Variants in ANKMY2 observed in about 807,000 individuals in gnomAD.
ANKMY2 encodes the protein ankyrin repeat and MYND domain containing 2, also known as ankyrin repeat and MYND domain-containing protein 2.
A neutral mutation model predicts 50.4 loss-of-function variants in ANKMY2; 36 were observed. The ratio of observed to expected loss-of-function variants is 0.71; its 90% confidence interval spans 0.55 to 0.94. The LOEUF is 0.94. ANKMY2 is among the 40% of genes least tolerant of loss of function. The pLI is 0.00. For missense variants in ANKMY2, 565 were observed against 524.0 expected (o/e 1.08, Z -0.76); for synonymous variants, 187 against 178.8 (o/e 1.05, Z -0.36).
chr7:16,629,089 C>T (rs1367077289), intron 2 of ANKMY2, among the ~76,000 whole-genome samples: 1 of 152,138 alleles, frequency 6.6e-6, no homozygotes, highest in African/African-American at 2.4e-5. Flanking sequence ...CACTTCTGCC[C>T]ATTTACGTGT....
rs939414001 is a variant in ANKMY2 at position 16,609,833 on chromosome 7, C to G, written c.747-68G>C. On this transcript the variant is annotated intron_variant, in intron 6 of 9. Coordinates refer to ENST00000306999, the MANE Select transcript of ANKMY2 (RefSeq NM_020319.3). Reference sequence around the variant, plus strand: ...AGCATTCTCTCCTAGTTGAACCCAACAGTTTTTAGTAGTTTCTTCTGTTAC... The same window carrying G: ...AGCATTCTCTCCTAGTTGAACCCAAGAGTTTTTAGTAGTTTCTTCTGTTAC... 4 of 1,542,642 alleles carry G rather than the reference C, an allele frequency of 2.6e-6. No individual in the cohort carries two copies. In the African/African-American group the frequency reaches 5.6e-5, roughly 22 times the overall value.
In ANKMY2 at chr7:16,628,744, G is replaced by A. The variant is rs189177101; in HGVS notation, c.133-1566C>T. ...GGCCACCACAAAGAAGCAAACAGCT[G>A]TTTCTTTTGCAGATTTTAGGACCCC... On this transcript the variant is annotated intron_variant, in intron 2 of 9. Transcript: ENST00000306999. Among the ~76,000 whole-genome samples, 517 of 152,174 alleles carry A rather than the reference G, an allele frequency of 3.4e-3. 3 individuals are homozygous for A. The highest frequency in any genetic ancestry group is 5.4e-3 in the Non-Finnish European group (365 of 68,012).
At chr7:16,622,505 G>A (rs1403842078) in intron 4 of ANKMY2, among the ~76,000 whole-genome samples, 6 of 152,010 alleles carry the variant, frequency 3.9e-5, no homozygotes, top group South Asian at 2.1e-4. Flanking sequence ...TTGGGAGGCC[G>A]AGGCGGGCAG....
rs184009928 is a variant in ANKMY2, at chr7:16,610,445, T to C, written c.746+104A>G. Reference sequence around the variant, plus strand: ...CTAAATGTGAGTCCAACAACAGCAATTGCTGCCAAAATGTTTAATTTTGAA... The same window carrying C: ...CTAAATGTGAGTCCAACAACAGCAACTGCTGCCAAAATGTTTAATTTTGAA... On this transcript the variant is annotated intron_variant, in intron 6 of 9. Transcript: ENST00000306999. 3.4e-5 allele frequency: 31 copies of C among 906,254 alleles called. No individual in the cohort carries two copies. In the Middle Eastern group the frequency reaches 1.4e-3, roughly 41 times the overall value. 56.1% of individuals were successfully genotyped at this position (906,254 alleles called of 1,614,324 possible).
intron 1 of ANKMY2, among the ~76,000 whole-genome samples, chr7:16,636,905 T>A (rs1781669803): frequency 6.6e-6 from 1 of 152,246 alleles, no homozygotes; most frequent in Non-Finnish European, 1.5e-5. Context: ...GACATATTTA[T>A]AATAGAGTGC....
intron 6 of ANKMY2, 66 bp downstream of exon 6, chr7:16,610,483 G>C (rs976368398): frequency 3.8e-6 from 5 of 1,304,890 alleles, no homozygotes; most frequent in Non-Finnish European, 5.3e-6. Flanking sequence ...ACATAATAAT[G>C]AGGCTTCATA....
intron 4 of ANKMY2, among the ~76,000 whole-genome samples, chr7:16,622,591 T>A (rs886827804): frequency 1.3e-5 from 2 of 151,742 alleles, no homozygotes; most frequent in Admixed American, 6.6e-5. Context: ...ACAAAAAAAA[T>A]TAGCTAGGCG....
chr7:16,619,980 A>G (rs1412637102), intron 4 of ANKMY2, among the ~76,000 whole-genome samples: 1 of 152,264 alleles, frequency 6.6e-6, no homozygotes, highest in Non-Finnish European at 1.5e-5. Flanking sequence ...AGAAAACTGT[A>G]GAATAACTTC....
chr7:16,619,495 C>CT (rs923952445), intron 4 of ANKMY2, among the ~76,000 whole-genome samples: 6 of 151,954 alleles, frequency 3.9e-5, no homozygotes, highest in Non-Finnish European at 7.4e-5. Flanking sequence ...ATTACTTTAC[C>CT]TTTTTTTCCA....
Position 16,600,607 on chromosome 7 carries a change from T to G in ANKMY2, c.*154A>C. ...AAATCAATAGGAAATTAGGGCATGG[T>G]CAACAGGGGTTTGCTTGAAAACCTG... On this transcript the variant is annotated 3_prime_UTR_variant, in exon 10 of 10. Transcript: ENST00000306999. 2.0e-6 allele frequency: 1 copy of G among 504,916 alleles called. No homozygotes were observed. Among genetic ancestry groups the G allele is most frequent in the Non-Finnish European group, 3.2e-6 (1 of 316,322 alleles). 31.3% of individuals were successfully genotyped at this position (504,916 alleles called of 1,614,324 possible). A position where few individuals can be genotyped will look rare whatever the true frequency, so the allele number is the denominator to read the frequency against.
Position 16,645,522 on chromosome 7 carries a change from C to T in ANKMY2, c.52G>A (p.Glu18Lys). Residue 18 changes from glutamate (E) to lysine (K), a missense_variant, in exon 1 of 10, where the codon GAA (glutamate) becomes AAA (lysine). Coordinates refer to ENST00000306999, the MANE Select transcript of ANKMY2 (RefSeq NM_020319.3). The stretch of plus-strand genomic sequence containing the variant: ...GCACCCGTACCTTTCCCGATGACTT[C>T]CAGTAGCTCCTTCTCCTCCTGGGTC... ...ELTQEEKELL[E>K]VIGKGTVQEA... 6.2e-7 allele frequency: 1 copy of T among 1,611,748 alleles called. No individual in the cohort carries two copies. Among genetic ancestry groups the T allele is most frequent in the Non-Finnish European group, 8.5e-7 (1 of 1,178,924 alleles).
At chr7:16,643,839 G>T (rs1781777532) in intron 1 of ANKMY2, among the ~76,000 whole-genome samples, 1 of 139,736 alleles carries the variant, frequency 7.2e-6, no homozygotes, top group East Asian at 2.0e-4. Context: ...GGCAACATAG[G>T]GAGACCCCCA....
chr7:16,604,945 T>C (rs1441754896), intron 7 of ANKMY2, 96 bp from the exon 8 acceptor site: 6 of 1,231,444 alleles, frequency 4.9e-6, no homozygotes, highest in Non-Finnish European at 6.5e-6. Flanking sequence ...TCCTACAATG[T>C]GACACAAAAA....
At chr7:16,604,966 A>C in intron 7 of ANKMY2, 117 bp from the exon 8 acceptor site, 1 of 1,032,598 alleles carries the variant, frequency 9.7e-7, no homozygotes, top group Non-Finnish European at 1.3e-6. Context: ...GGAAGAAATC[A>C]TTAAGGCTAT....
At chr7:16,643,475 C>T (rs550228996) in intron 1 of ANKMY2, among the ~76,000 whole-genome samples, 18 of 152,326 alleles carry the variant, frequency 1.2e-4, no homozygotes, top group African/African-American at 3.8e-4. Context: ...CATACTAGGT[C>T]CACATCAGTT....
intron 1 of ANKMY2, among the ~76,000 whole-genome samples, chr7:16,640,373 A>T (rs1781727880): frequency 6.6e-6 from 1 of 152,154 alleles, no homozygotes; most frequent in Admixed American, 6.5e-5. Context: ...CATTTCTAAT[A>T]TCTAGATCGG....
At chr7:16,616,462 T>C (rs913246967) in intron 4 of ANKMY2, among the ~76,000 whole-genome samples, 2 of 152,112 alleles carry the variant, frequency 1.3e-5, no homozygotes, top group African/African-American at 4.8e-5. Flanking sequence ...CATCGTGGCT[T>C]TGCATAGAAT....
intron 8 of ANKMY2, among the ~76,000 whole-genome samples, chr7:16,602,839 T>A (rs952768834): frequency 2.0e-5 from 3 of 152,072 alleles, no homozygotes; most frequent in African/African-American, 7.2e-5. Context: ...ATGTGGCAAC[T>A]CCCCCACCTC....
intron 5 of ANKMY2, among the ~76,000 whole-genome samples, chr7:16,610,979 C>G (rs1781241575): frequency 2.0e-5 from 3 of 152,214 alleles, no homozygotes; most frequent in African/African-American, 7.2e-5. Flanking sequence ...CTCTGTATAT[C>G]AAAGTTATAA....
Sources: allele counts gnomAD v4.1 joint callset (sites outside exome capture counted in the v4.1 genomes callset), GRCh38; gene constraint gnomAD v4.1.1; transcripts MANE v1.5; gene names NCBI Gene and HGNC (gene_info 2026-07-23, HGNC 2026-07-21).